The following SEC14L6 variants were observed in gnomAD, a reference collection of about 807,000 sequenced individuals.
The protein encoded by SEC14L6 is SEC14 like lipid binding 6.
A neutral mutation model predicts 54.1 loss-of-function variants in SEC14L6; 40 were observed. The ratio of observed to expected loss-of-function variants is 0.74; its 90% confidence interval spans 0.57 to 0.96. The LOEUF (loss-of-function observed/expected upper bound fraction) is 0.96. SEC14L6 is among the 40% of genes least tolerant of loss of function. The pLI, the probability that SEC14L6 is intolerant of heterozygous loss-of-function variation, is 0.00. For synonymous variants in SEC14L6, 171 were observed against 198.4 expected (o/e 0.86, Z 1.16); for missense variants, 471 against 498.3 (o/e 0.95, Z 0.52).
chr22:30,543,731 T>C (rs2085764436), intron 1 of SEC14L6: 1 of 1,593,192 alleles, frequency 6.3e-7, no homozygotes, highest in African/African-American at 1.3e-5. Flanking sequence ...GCCCTACTGA[T>C]GGAGGCTCTC....
intron 11 of SEC14L6, 106 bp downstream of exon 11, chr22:30,525,244 T>G: frequency 1.4e-6 from 2 of 1,408,976 alleles, no homozygotes; most frequent in Non-Finnish European, 1.9e-6. Flanking sequence ...CCTCACACTG[T>G]GCCCACCAGA....
In SEC14L6 at chr22:30,538,915, A is replaced by G. The variant is rs1200473738; in HGVS notation, c.55-13T>C. 1 of 1,547,012 alleles carries G rather than the reference A, an allele frequency of 6.5e-7. No individual in the cohort carries two copies. The highest frequency in any genetic ancestry group is 8.7e-7 in the Non-Finnish European group (1 of 1,142,972). On this transcript the variant is annotated splice_polypyrimidine_tract_variant and intron_variant, in intron 1 of 11. Transcript: ENST00000402034. The stretch of plus-strand genomic sequence containing the variant: ...TGTTCTCCCGGAACTGAGGACAGAC[A>G]GGGAGAGACCTGGGTCAGAGGCCAA...
Position 30,541,563 on chromosome 22 carries a change from G to A in SEC14L6, c.55-2661C>T, listed in dbSNP as rs900198089. On this transcript the variant is annotated intron_variant, in intron 1 of 11. Transcript: ENST00000402034. ...GATCCCAGCTACTCAGGACGCTGAG[G>A]CAGAGAGTCATTTGAACCTGGTAGG... Among the ~76,000 whole-genome samples the A allele has an allele frequency of 3.3e-5, 5 of 152,272 alleles. No individual in the cohort carries two copies. In the East Asian group the frequency reaches 7.7e-4, roughly 24 times the overall value.
chr22:30,529,377 G>A (rs2146253777), intron 6 of SEC14L6, 28 bp from the exon 7 acceptor site: 2 of 1,539,182 alleles, frequency 1.3e-6, no homozygotes, highest in Non-Finnish European at 1.8e-6. Context: ...AGAAGTGATG[G>A]GCGTCTGAAC....
chr22:30,528,118 TC>T (rs369849083), intron 8 of SEC14L6, among the ~76,000 whole-genome samples: 31 of 147,958 alleles, frequency 2.1e-4, no homozygotes, highest in African/African-American at 4.3e-4. Flanking sequence ...AACCTAGATT[TC>T]TTTTTTTTTT....
chr22:30,538,931 C>T, intron 1 of SEC14L6, 29 bp from the exon 2 acceptor site: 1 of 1,489,016 alleles, frequency 6.7e-7, no homozygotes, highest in Non-Finnish European at 9.2e-7. Flanking sequence ...AGACCTGGGT[C>T]AGAGGCCAAC....
At chr22:30,532,242 G>C (rs1001793592) in intron 5 of SEC14L6, 1 of 985,350 alleles carries the variant, frequency 1.0e-6, no homozygotes, top group African/African-American at 1.7e-5. Context: ...CGGTCCAGTG[G>C]GGCTGAAATC....
chr22:30,530,475 A>C (rs996361741), intron 6 of SEC14L6, among the ~76,000 whole-genome samples: 3 of 152,206 alleles, frequency 2.0e-5, no homozygotes, highest in African/African-American at 7.2e-5. Flanking sequence ...ATCTCAACTC[A>C]CTGCAACCTC....
At chr22:30,529,207 G>A (rs1936884745) in intron 7 of SEC14L6, 37 bp from the exon 8 acceptor site, 2 of 1,548,924 alleles carry the variant, frequency 1.3e-6, no homozygotes, top group African/African-American at 1.4e-5. Context: ...TCAGGCGGCT[G>A]GCTGGGGTCT....
At chr22:30,531,734 G>A (rs1436294086) in intron 6 of SEC14L6, among the ~76,000 whole-genome samples, 169 bp downstream of exon 6, 1 of 152,106 alleles carries the variant, frequency 6.6e-6, no homozygotes, top group Non-Finnish European at 1.5e-5. Context: ...CAAAAAAAAA[G>A]TAAGAGCTGC....
chr22:30,533,090 C>T (rs1422085205), intron 3 of SEC14L6: 2 of 985,244 alleles, frequency 2.0e-6, no homozygotes, highest in Non-Finnish European at 2.4e-6. Flanking sequence ...CTGCACTCTG[C>T]AGCTGTCTCC....
At position 30,531,907 on chromosome 22, in the gene SEC14L6, T is replaced by C. The variant is rs1387686321; in HGVS notation, c.515A>G (p.Gln172Arg). The C allele has an allele frequency of 6.5e-7, 1 of 1,550,386 alleles. No homozygotes were observed. Among genetic ancestry groups the C allele is most frequent in the Non-Finnish European group, 8.7e-7 (1 of 1,146,742 alleles). The change falls in exon 6 of 12, where the codon CAG (glutamine) becomes CGG (arginine). Residue 172 changes from glutamine to arginine, a missense_variant. Gln to Arg is a conservative substitution (Grantham distance 43, BLOSUM62 1). Transcript: ENST00000402034. ...CCCCTGGCGGGGTCACCTCACCTCC[T>C]GGAGAAGCTCTATTCCTGGCTTCCA... ...DLWKPGIELL[Q>R]EFFSALEANY...
intron 2 of SEC14L6, among the ~76,000 whole-genome samples, chr22:30,536,464 T>A (rs765056231): frequency 3.3e-5 from 5 of 152,158 alleles, no homozygotes; most frequent in Non-Finnish European, 7.4e-5. Context: ...TGTCTGTGCA[T>A]TCAGATTCCT....
At position 30,532,677 on chromosome 22, in the gene SEC14L6, G is replaced by C; in HGVS notation, c.271C>G (p.His91Asp). ...RLYNANGICG[H>D]DGEGSPVWYH... ...CAGACAGGGCTGCCCTCACCGTCGT[G>C]GCCGCATATGCCGTTAGCGTTGTAC... The change falls in exon 5 of 12, where the codon CAC becomes GAC. Residue 91 changes from histidine (H) to aspartate (D), a missense_variant. Transcript: ENST00000402034. The C allele has an allele frequency of 4.5e-6, 7 of 1,553,410 alleles. No individual in the cohort carries two copies. Among genetic ancestry groups the C allele is most frequent in the Non-Finnish European group, 3.5e-6 (4 of 1,148,416 alleles).
intron 2 of SEC14L6, among the ~76,000 whole-genome samples, 193 bp from the exon 3 acceptor site, chr22:30,534,232 T>C (rs1403417021): frequency 6.6e-6 from 1 of 152,164 alleles, no homozygotes; most frequent in Non-Finnish European, 1.5e-5. Context: ...GGCTCCTTGA[T>C]TCCCTGGGCA....
At chr22:30,543,002 G>T (rs1325143500) in intron 1 of SEC14L6, 5 of 1,601,994 alleles carry the variant, frequency 3.1e-6, no homozygotes, top group Non-Finnish European at 4.3e-6. Context: ...CTGTCTGTGC[G>T]TGCCAAACCC....
intron 1 of SEC14L6, 122 bp downstream of exon 1, chr22:30,546,507 C>T (rs2085799893): frequency 1.2e-6 from 1 of 837,210 alleles, no homozygotes; most frequent in African/African-American, 1.7e-5. Flanking sequence ...CCAAGCCCCT[C>T]AGGGTTGGGA....
chr22:30,530,383 AG>A (rs1936930299), intron 6 of SEC14L6, among the ~76,000 whole-genome samples: 1 of 152,176 alleles, frequency 6.6e-6, no homozygotes, highest in African/African-American at 2.4e-5. Context: ...TGGGCAACAG[AG>A]TGAGACTCCG....
chr22:30,546,665 A>G lies in SEC14L6; in HGVS notation c.18T>C (p.Gly6=). 6.4e-7 allele frequency: 1 copy of G among 1,550,426 alleles called. No homozygotes were observed. The highest frequency in any genetic ancestry group is 8.7e-7 in the Non-Finnish European group (1 of 1,146,944). The change falls in exon 1 of 12, where the codon GGT becomes GGC. Residue 6 remains glycine (G), a synonymous_variant. Transcript: ENST00000402034. The stretch of plus-strand genomic sequence containing the variant: ...ACTTCTCCTGCGATGGGCTCAGGTC[A>G]CCCACTTGTCCACTCATGCTGCCCA... MSGQV[G]DLSPSQEKSL...
Sources: allele counts gnomAD v4.1 joint callset (sites outside exome capture counted in the v4.1 genomes callset), GRCh38; gene constraint gnomAD v4.1.1; transcripts MANE v1.5; gene names NCBI Gene and HGNC (gene_info 2026-07-23, HGNC 2026-07-21).